The following GOLGB1 variants were observed in gnomAD, a reference collection of about 807,000 sequenced individuals.
GOLGB1 encodes golgin subfamily B member 1.
In GOLGB1, 174 loss-of-function variants were observed where a neutral mutation model predicts 336.9. The observed-to-expected ratio is 0.52, with a 90% confidence interval of 0.46 to 0.59. The LOEUF (loss-of-function observed/expected upper bound fraction) is 0.59. Ranked by LOEUF, GOLGB1 falls within the 20% of genes least tolerant of loss-of-function variation. The pLI, the probability that GOLGB1 is intolerant of heterozygous loss-of-function variation, is 0.00. For missense variants in GOLGB1, 3,331 were observed against 3,645.3 expected, an observed-to-expected ratio of 0.91 and a Z score of 2.22; for synonymous variants, 1,208 against 1,289.2, an observed-to-expected ratio of 0.94 and a Z score of 1.35.
chr3:121,700,502 G>A (rs1297514917), intron 11 of GOLGB1, among the ~76,000 whole-genome samples: 1 of 151,938 alleles, frequency 6.6e-6, no homozygotes, highest in Admixed American at 6.6e-5. Context: ...TATTCTTTCT[G>A]AGAAGATAAC....
intron 14 of GOLGB1, among the ~76,000 whole-genome samples, chr3:121,687,456 G>T (rs1480868499): frequency 2.0e-5 from 3 of 152,178 alleles, no homozygotes; most frequent in Non-Finnish European, 2.9e-5. Context: ...AACATTATTA[G>T]AACAGTTTAA....
At position 121,694,299 on chromosome 3, in the gene GOLGB1, C is replaced by T. The variant is rs372538328; in HGVS notation, c.6224G>A (p.Arg2075His). The change falls in exon 13 of 22, where the codon CGC (arginine) becomes CAC (histidine). Residue 2075 changes from arginine to histidine, a missense_variant. Arg to His is a conservative substitution (Grantham distance 29). Coordinates refer to ENST00000614479, the MANE Select transcript of GOLGB1 (RefSeq NM_001366282.2). ...AGCTAATTCTGCTTGTGCCTTTTTGCGGTGTTCAACTGCTTGAGCCAGATT... is the reference window on the plus strand; with the variant it reads ...AGCTAATTCTGCTTGTGCCTTTTTGTGGTGTTCAACTGCTTGAGCCAGATT... The part of the protein sequence containing the change: ...KENLAQAVEH[R>H]KKAQAELASF... The T allele has an allele frequency of 2.0e-5, 32 of 1,609,856 alleles. No individual in the cohort carries two copies. In the East Asian group the frequency reaches 2.5e-4, roughly 12 times the overall value.
chr3:121,736,153 G>A (rs865867375), intron 1 of GOLGB1, among the ~76,000 whole-genome samples: 1 of 152,096 alleles, frequency 6.6e-6, no homozygotes, highest in Non-Finnish European at 1.5e-5. Context: ...TAATGGTAGA[G>A]ACAAATCTTC....
chr3:121,677,374 G>A lies in GOLGB1; in HGVS notation c.8950C>T (p.Gln2984Ter). The A allele has an allele frequency of 3.7e-6, 6 of 1,605,244 alleles. No individual in the cohort carries two copies. The highest frequency in any genetic ancestry group is 5.1e-6 in the Non-Finnish European group (6 of 1,171,940). The change falls in exon 16 of 22, where the codon CAG becomes TAG. Residue 2984 changes from glutamine to a stop codon, truncating the protein, a stop_gained. Coordinates refer to ENST00000614479, the MANE Select transcript of GOLGB1 (RefSeq NM_001366282.2). LOFTEE classifies it high-confidence loss of function. The stretch of plus-strand genomic sequence containing the variant: ...AGATTCTGCAGATGACTGAGCTGCT[G>A]ATCTTTATCTGAGATAGCCATAAGG... ...QYLMAISDKD[Q>*]QLSHLQNLIR...
intron 1 of GOLGB1, among the ~76,000 whole-genome samples, chr3:121,732,524 C>T (rs1946187622): frequency 6.6e-6 from 1 of 152,098 alleles, no homozygotes. Flanking sequence ...GATAATACAT[C>T]ACAACCAAGT....
At position 121,695,174 on chromosome 3, in the gene GOLGB1, T is replaced by C. The variant is rs200579291; in HGVS notation, c.5349A>G (p.Lys1783=). Residue 1783 remains lysine, a synonymous_variant, in exon 13 of 22, where the codon AAA becomes AAG. Transcript: ENST00000614479. ...SKQANLEATE[K]HDNQTNVTEE... ...CAGTGACATTCGTTTGGTTATCATG[T>C]TTCTCGGTGGCCTCTAGGTTAGCTT... is the stretch of plus-strand genomic sequence containing the variant. The C allele has an allele frequency of 1.9e-6, 3 of 1,613,996 alleles. No individual in the cohort carries two copies. The highest frequency in any genetic ancestry group is 2.5e-6 in the Non-Finnish European group (3 of 1,179,970).
intron 14 of GOLGB1, among the ~76,000 whole-genome samples, chr3:121,684,127 CAAAAAAAAAAAAA>C (rs61510295): frequency 1.8e-4 from 2 of 10,912 alleles, no homozygotes; most frequent in East Asian, 1.1e-3. Context: ...GACGCCGTCT[CAAAAAAAAAAAAA>C]AAAAAAAAAA....
rs575307421 is a variant in GOLGB1, at chr3:121,748,920, G to C, written c.-3+712C>G. 108 of 985,026 alleles carry C rather than the reference G, an allele frequency of 1.1e-4. 2 individuals carry two copies. In the South Asian group the frequency reaches 3.8e-3, roughly 34 times the overall value. The allele number at this position is 985,026 out of a possible 1,614,324, so 61.0% of individuals were successfully genotyped here. On this transcript the variant is annotated intron_variant, in intron 1 of 21. Coordinates refer to ENST00000614479, the MANE Select transcript of GOLGB1 (RefSeq NM_001366282.2). ...ACCCTCCCTTTCACATTCCGGTTGT[G>C]CAGATTAAACATACTCCACACCATC...
chr3:121,713,111 G>A (rs766271048), intron 10 of GOLGB1, among the ~76,000 whole-genome samples: 5 of 151,936 alleles, frequency 3.3e-5, no homozygotes, highest in Admixed American at 6.6e-5. Context: ...GCAGTGAGCC[G>A]AGATCGCACC....
intron 17 of GOLGB1, among the ~76,000 whole-genome samples, chr3:121,672,585 C>T (rs1939696471): frequency 6.6e-6 from 1 of 152,166 alleles, no homozygotes; most frequent in Non-Finnish European, 1.5e-5. Context: ...TGGATTGTCT[C>T]TTCACTCTGT....
chr3:121,673,783 C>T (rs1378048350), intron 17 of GOLGB1, among the ~76,000 whole-genome samples: 2 of 152,044 alleles, frequency 1.3e-5, no homozygotes, highest in South Asian at 2.1e-4. Flanking sequence ...TGCAGGGGTG[C>T]GATCTCAGCT....
chr3:121,709,685 T>C (rs1299801859), intron 10 of GOLGB1, among the ~76,000 whole-genome samples: 1 of 152,186 alleles, frequency 6.6e-6, no homozygotes, highest in African/African-American at 2.4e-5. Context: ...GAGGGAACTG[T>C]GTTAACTTTA....
At chr3:121,680,514 C>G (rs1940952301) in intron 15 of GOLGB1, among the ~76,000 whole-genome samples, 1 of 152,046 alleles carries the variant, frequency 6.6e-6, no homozygotes, top group South Asian at 2.1e-4. Context: ...TAAAGAAGAA[C>G]TGAATGGAAA....
intron 14 of GOLGB1, 66 bp downstream of exon 14, chr3:121,690,604 A>G: frequency 1.2e-6 from 1 of 809,668 alleles, no homozygotes; most frequent in Non-Finnish European, 1.8e-6. Context: ...CTTTTCTATA[A>G]AAATAAATTT....
At chr3:121,672,979 G>A (rs1939762407) in intron 17 of GOLGB1, among the ~76,000 whole-genome samples, 1 of 151,988 alleles carries the variant, frequency 6.6e-6, no homozygotes. Flanking sequence ...TGTTTCATTG[G>A]TGGTCTGTGT....
chr3:121,666,254 C>T (rs1244027462), intron 20 of GOLGB1, among the ~76,000 whole-genome samples: 1 of 152,184 alleles, frequency 6.6e-6, no homozygotes, highest in Admixed American at 6.5e-5. Flanking sequence ...TTAGCTACCC[C>T]AACTTCCATT....
intron 14 of GOLGB1, among the ~76,000 whole-genome samples, chr3:121,687,169 G>A (rs951121624): frequency 1.3e-5 from 2 of 152,158 alleles, no homozygotes; most frequent in Admixed American, 6.5e-5. Flanking sequence ...GGCTGAGGCA[G>A]GAGAATTGCT....
intron 1 of GOLGB1, among the ~76,000 whole-genome samples, chr3:121,742,276 C>A (rs929232657): frequency 6.6e-6 from 1 of 152,112 alleles, no homozygotes; most frequent in Non-Finnish European, 1.5e-5. Context: ...CATACATAGA[C>A]CAATGGAACA....
rs1472804200 is a variant in GOLGB1, at chr3:121,698,139, T to C, written c.2384A>G (p.His795Arg). The change falls in exon 13 of 22, where the codon CAT becomes CGT. Residue 795 changes from histidine to arginine, a missense_variant. Coordinates refer to ENST00000614479, the MANE Select transcript of GOLGB1 (RefSeq NM_001366282.2). ...RRLDYESQTA[H>R]DNLLTEQIHS... ...GATCTGTTCAGTGAGCAGGTTGTCA[T>C]GGGCAGTTTGGCTTTCATAATCAAG... 4 of 1,613,894 alleles carry C rather than the reference T, an allele frequency of 2.5e-6. No individual in the cohort carries two copies. Among genetic ancestry groups the C allele is most frequent in the South Asian group, 1.1e-5 (1 of 91,082 alleles).
Sources: gnomAD v4.1 joint callset for allele counts (sites outside exome capture counted in the v4.1 genomes callset) on GRCh38, gnomAD v4.1.1 for gene constraint, MANE v1.5 for transcripts, NCBI Gene and HGNC (gene_info 2026-07-23, HGNC 2026-07-21) for gene names.